Variants in YPEL2 observed in about 807,000 individuals in gnomAD.
YPEL2 encodes the protein yippee like 2.
In YPEL2, 2 loss-of-function variants were observed where a neutral mutation model predicts 19.1. The observed-to-expected ratio is 0.10, with a 90% confidence interval of 0.04 to 0.33. The LOEUF (loss-of-function observed/expected upper bound fraction) is 0.33, where lower values mean the gene tolerates loss of function less well. Among genes scored for constraint, YPEL2 ranks in the 10% least tolerant of loss-of-function variants. The pLI, the probability that YPEL2 is intolerant of heterozygous loss-of-function variation, is 1.00. For missense variants in YPEL2, 66 were observed against 140.7 expected (o/e 0.47, Z 2.68); for synonymous variants, 52 against 50.0 (o/e 1.04, Z -0.17).
intron 1 of YPEL2, among the ~76,000 whole-genome samples, chr17:59,350,620 A>G (rs980878801): frequency 6.6e-6 from 1 of 152,224 alleles, no homozygotes; most frequent in African/African-American, 2.4e-5. Context: ...CACATTTAAT[A>G]CAAACAAGAA....
intron 2 of YPEL2, among the ~76,000 whole-genome samples, chr17:59,357,861 A>G (rs2047820694): frequency 1.3e-5 from 2 of 152,136 alleles, no homozygotes; most frequent in South Asian, 4.1e-4. Context: ...ACTTCATGCC[A>G]ACACACGGTT....
At chr17:59,393,877 G>C (rs1209864473) in intron 4 of YPEL2, among the ~76,000 whole-genome samples, 1 of 152,032 alleles carries the variant, frequency 6.6e-6, no homozygotes, top group African/African-American at 2.4e-5. Flanking sequence ...ATTTTTCTTA[G>C]TACAGAACAA....
intron 2 of YPEL2, among the ~76,000 whole-genome samples, chr17:59,359,096 G>A (rs1344632574): frequency 6.6e-6 from 1 of 151,134 alleles, no homozygotes; most frequent in Non-Finnish European, 1.5e-5. Context: ...GCTAATTTTT[G>A]TATTTTTAGT....
Position 59,367,430 on chromosome 17 carries a change from A to C in YPEL2, c.117+13904A>C, listed in dbSNP as rs1598040681. On this transcript the variant is annotated intron_variant, in intron 2 of 4. Transcript: ENST00000312655. ...AAAACTTTTTCTATAAAGGCCAGAT[A>C]GTATTTTACGCTTTGCTGGACATAG... Among the ~76,000 whole-genome samples the C allele has an allele frequency of 2.0e-5, 3 of 152,332 alleles. No homozygotes were observed. In the East Asian group the frequency reaches 5.8e-4, roughly 29 times the overall value.
chr17:59,388,242 C>A, intron 2 of YPEL2, 85 bp from the exon 3 acceptor site: 1 of 1,334,430 alleles, frequency 7.5e-7, no homozygotes, highest in South Asian at 1.2e-5. Flanking sequence ...CCTGGAAGGT[C>A]ATGCTTAACT....
chr17:59,345,592 A>G (rs964032775), intron 1 of YPEL2, among the ~76,000 whole-genome samples: 6 of 152,162 alleles, frequency 3.9e-5, no homozygotes, highest in African/African-American at 9.7e-5. Context: ...CAGCAATAAT[A>G]TCAGGTCCCC....
intron 1 of YPEL2, among the ~76,000 whole-genome samples, chr17:59,333,648 G>GTTA (rs1352728655): frequency 2.0e-5 from 3 of 152,054 alleles, no homozygotes; most frequent in African/African-American, 7.2e-5. Context: ...TCAACTGCTG[G>GTTA]TTATGACCCA....
At position 59,388,332 on chromosome 17, in the gene YPEL2, C is replaced by T. The variant is rs1298277871; in HGVS notation, c.123C>T (p.Phe41=). The T allele has an allele frequency of 1.4e-5, 23 of 1,614,052 alleles. No individual in the cohort carries two copies. The highest frequency in any genetic ancestry group is 1.9e-5 in the Non-Finnish European group (22 of 1,179,982). The change falls in exon 3 of 5, where the codon TTC becomes TTT. Residue 41 remains phenylalanine (F), a synonymous_variant. Transcript: ENST00000312655. ...ANHDELISKS[F]QGSQGRAYLF... ...TTTGTTTTCTTGCATTTCAGTCATT[C>T]CAAGGAAGTCAAGGACGAGCATACC... is the stretch of plus-strand genomic sequence containing the variant.
chr17:59,353,627 A>G lies in YPEL2; in HGVS notation c.117+101A>G, dbSNP rs760684287. 1.1e-6 allele frequency: 1 copy of G among 920,644 alleles called. No homozygotes were observed. Among genetic ancestry groups the G allele is most frequent in the South Asian group, 1.3e-5 (1 of 76,688 alleles). 57.0% of individuals were successfully genotyped at this position (920,644 alleles called of 1,614,324 possible). ...AAGCTCTCAAGAATATTTGTACTCCATCTTTGTACAGGGAGGGCTGACCCA... is the reference window on the plus strand; with the variant it reads ...AAGCTCTCAAGAATATTTGTACTCCGTCTTTGTACAGGGAGGGCTGACCCA... On this transcript the variant is annotated intron_variant, in intron 2 of 4. Transcript: ENST00000312655. This position sits in a 1 kb window ranked among gnomAD's most constrained non-coding sequence, Gnocchi z 4.8.
intron 2 of YPEL2, among the ~76,000 whole-genome samples, chr17:59,386,896 G>A (rs1266738656): frequency 6.6e-6 from 1 of 152,164 alleles, no homozygotes; most frequent in Non-Finnish European, 1.5e-5. Flanking sequence ...GGGAGTGAAG[G>A]TGTCTGGTGT....
In YPEL2 at chr17:59,397,253, A is replaced by G. The variant is rs2048044369; in HGVS notation, c.*63A>G. 2 of 1,316,532 alleles carry G rather than the reference A, an allele frequency of 1.5e-6. No individual in the cohort carries two copies. Among genetic ancestry groups the G allele is most frequent in the Middle Eastern group, 1.9e-4 (1 of 5,284 alleles). 81.6% of individuals were successfully genotyped at this position (1,316,532 alleles called of 1,614,324 possible). A position where few individuals can be genotyped will look rare whatever the true frequency, so the allele number is the denominator to read the frequency against. ...GCCATTCAACCGAACATTCTTCCCA[A>G]GCGTGAGAGAGTGACTGACACTTGG... On this transcript the variant is annotated 3_prime_UTR_variant, in exon 5 of 5. Transcript: ENST00000312655.
intron 3 of YPEL2, 127 bp downstream of exon 3, chr17:59,388,497 A>G (rs578231087): frequency 3.2e-6 from 3 of 941,756 alleles, no homozygotes; most frequent in East Asian, 2.4e-5. Context: ...GTGGAGCATT[A>G]CTGTCCACAA....
intron 1 of YPEL2, among the ~76,000 whole-genome samples, chr17:59,344,578 C>T (rs1352263651): frequency 1.3e-5 from 2 of 151,982 alleles, no homozygotes; most frequent in Non-Finnish European, 2.9e-5. Flanking sequence ...GCCAACTTGG[C>T]GAAACCCCGT....
intron 2 of YPEL2, among the ~76,000 whole-genome samples, chr17:59,383,612 AT>A (rs1567756782): frequency 5.2e-5 from 1 of 19,316 alleles, no homozygotes; most frequent in Non-Finnish European, 9.1e-5. Context: ...AAAAAAAAAT[AT>A]ATATATATAT....
At chr17:59,388,994 A>G (rs557171960) in intron 3 of YPEL2, 19 of 293,046 alleles carry the variant, frequency 6.5e-5, no homozygotes, top group Non-Finnish European at 1.2e-4. Flanking sequence ...CTTCAGCTTC[A>G]TTCAGTCCTC....
rs1286604037 is a variant in YPEL2, at chr17:59,399,701, C to G, written c.*2511C>G. 3 of 152,624 alleles carry G rather than the reference C, an allele frequency of 2.0e-5. No individual in the cohort carries two copies. Among genetic ancestry groups the G allele is most frequent in the Non-Finnish European group, 2.9e-5 (2 of 68,046 alleles). 9.5% of individuals were successfully genotyped at this position (152,624 alleles called of 1,614,324 possible). On this transcript the variant is annotated 3_prime_UTR_variant, in exon 5 of 5. Coordinates refer to ENST00000312655, the MANE Select transcript of YPEL2 (RefSeq NM_001005404.4). ...AAAAGTGCTTCTTACAACGTTCGCT[C>G]TGTTCATGGGTTGTCTATCTAACAT... is the stretch of plus-strand genomic sequence containing the variant.
chr17:59,340,994 C>G (rs1414955194), intron 1 of YPEL2, among the ~76,000 whole-genome samples: 2 of 149,108 alleles, frequency 1.3e-5, no homozygotes, highest in Admixed American at 1.3e-4. Flanking sequence ...GGATTACAGG[C>G]TTGAGCCACC....
At chr17:59,396,029 C>T (rs376999961) in intron 4 of YPEL2, among the ~76,000 whole-genome samples, 14 of 152,096 alleles carry the variant, frequency 9.2e-5, no homozygotes, top group African/African-American at 3.1e-4. Flanking sequence ...TGTAGTGAGC[C>T]GAGATTGCAC....
At chr17:59,368,650 A>T (rs771726464) in intron 2 of YPEL2, among the ~76,000 whole-genome samples, 2 of 152,194 alleles carry the variant, frequency 1.3e-5, no homozygotes, top group Non-Finnish European at 2.9e-5. Flanking sequence ...GGGAAGACAG[A>T]TGGGGAGTCT....
Sources: allele counts gnomAD v4.1 joint callset (sites outside exome capture counted in the v4.1 genomes callset), GRCh38; gene constraint gnomAD v4.1.1; non-coding constraint Gnocchi (gnomAD v3.1); transcripts MANE v1.5; gene names NCBI Gene and HGNC (gene_info 2026-07-23, HGNC 2026-07-21).